KIRREL3: variants seen among roughly 807,000 people sequenced by gnomAD.
KIRREL3 encodes the protein kirre like nephrin family adhesion molecule 3, also known as kin of IRRE-like protein 3.
A neutral mutation model predicts 89.7 loss-of-function variants in KIRREL3; 36 were observed. The ratio of observed to expected loss-of-function variants is 0.40; its 90% confidence interval spans 0.31 to 0.53. KIRREL3 has a LOEUF of 0.53. KIRREL3 is among the 20% of genes least tolerant of loss of function. KIRREL3 has a pLI of 0.49. For synonymous variants in KIRREL3, 445 were observed against 441.4 expected (o/e 1.01, Z -0.10); for missense variants, 864 against 1,056.6 (o/e 0.82, Z 2.53).
intron 1 of KIRREL3, among the ~76,000 whole-genome samples, chr11:126,630,234 T>C (rs1256649684): frequency 6.6e-6 from 1 of 152,182 alleles, no homozygotes. Flanking sequence ...GAATGGAATA[T>C]AAGCCCCCTC....
chr11:126,638,080 C>G (rs1381254609), intron 1 of KIRREL3, among the ~76,000 whole-genome samples: 1 of 152,180 alleles, frequency 6.6e-6, no homozygotes, highest in Non-Finnish European at 1.5e-5. Flanking sequence ...CCTGTAAAAT[C>G]TATACTTACT....
rs1955042396 is a variant in KIRREL3 at position 126,429,211 on chromosome 11, C to T, written c.1774G>A (p.Gly592Ser). ...TGCTTGATGGTGGAGTGCTCCTCAC[C>T]CTCCCGACCAGAGGCTGGTTCCTTG... ...VHKEPASGREGEEHSTIKQLM... is the reference protein window; with the variant it reads ...VHKEPASGRESEEHSTIKQLM... The change falls in exon 15 of 17, where the codon GGT becomes AGT. Residue 592 changes from glycine to serine, a missense_variant. Physicochemically the swap from Gly to Ser is moderately conservative, Grantham distance 56. Coordinates refer to ENST00000525144, the MANE Select transcript of KIRREL3 (RefSeq NM_032531.4). The surrounding 1 kb of genome is among the most constrained non-coding windows in gnomAD (Gnocchi z 5.2). The T allele has an allele frequency of 1.9e-6, 3 of 1,613,552 alleles. No homozygotes were observed. Among genetic ancestry groups the T allele is most frequent in the African/African-American group, 1.3e-5 (1 of 74,908 alleles).
rs1184733752 is a variant in KIRREL3 at position 126,723,780 on chromosome 11, A to G, written c.56-160868T>C. ...AAGAGAAGGGAAGAAGGAAAGATGGAAGGAAAAGACTTGCACAGATGCTCT... is the reference window on the plus strand; with the variant it reads ...AAGAGAAGGGAAGAAGGAAAGATGGGAGGAAAAGACTTGCACAGATGCTCT... On this transcript the variant is annotated intron_variant, in intron 1 of 16. Transcript: ENST00000525144. The surrounding 1 kb of genome is among the most constrained non-coding windows in gnomAD (Gnocchi z 4.0). Among the ~76,000 whole-genome samples, 2 of 152,230 alleles carry G rather than the reference A, an allele frequency of 1.3e-5. No homozygotes were observed. Among genetic ancestry groups the G allele is most frequent in the Non-Finnish European group, 2.9e-5 (2 of 68,038 alleles).
chr11:126,936,919 A>C (rs768492642), intron 1 of KIRREL3: 1 of 152,246 alleles, frequency 6.6e-6, no homozygotes, highest in South Asian at 2.1e-4. Flanking sequence ...ATTATACCTC[A>C]ATAAAGCTGT....
In KIRREL3 at chr11:126,909,844, G is replaced by A. The variant is rs183641347; in HGVS notation, c.55+90611C>T. On this transcript the variant is annotated intron_variant, in intron 1 of 16. Coordinates refer to ENST00000525144, the MANE Select transcript of KIRREL3 (RefSeq NM_032531.4). This position sits in a 1 kb window ranked among gnomAD's most constrained non-coding sequence, Gnocchi z 4.5. Reference sequence around the variant, plus strand: ...TAATCCCTGGGAGGGTGTTATGCAAGATTCAGATATATGGTCTGTGATATG... The same window carrying A: ...TAATCCCTGGGAGGGTGTTATGCAAAATTCAGATATATGGTCTGTGATATG... Among the ~76,000 whole-genome samples the A allele has an allele frequency of 3.0e-4, 46 of 152,262 alleles. No homozygotes were observed. The East Asian group carries it at 8.7e-3, about 29-fold the overall frequency.
Position 126,429,329 on chromosome 11 carries a change from C to T in KIRREL3, c.1697-41G>A. 2 of 1,442,824 alleles carry T rather than the reference C, an allele frequency of 1.4e-6. No homozygotes were observed. The highest frequency in any genetic ancestry group is 1.4e-5 in the African/African-American group (1 of 71,556). 89.4% of individuals were successfully genotyped at this position (1,442,824 alleles called of 1,614,324 possible). On this transcript the variant is annotated intron_variant, in intron 14 of 16. Transcript: ENST00000525144. The surrounding 1 kb of genome is among the most constrained non-coding windows in gnomAD (Gnocchi z 5.2). ...TAAAGTGTAGATGATAGATTTAGTT[C>T]TTACCTTTGAGATGTCAAGCTCCCT... is the stretch of plus-strand genomic sequence containing the variant.
intron 1 of KIRREL3, among the ~76,000 whole-genome samples, chr11:126,781,826 C>A (rs1316949913): frequency 1.3e-5 from 2 of 152,108 alleles, no homozygotes; most frequent in Admixed American, 6.6e-5. Context: ...AATTGAATAT[C>A]ATCAAAAATG....
chr11:126,917,021 G>T lies in KIRREL3; in HGVS notation c.55+83434C>A, dbSNP rs1472634871. 6.6e-6 allele frequency among the ~76,000 whole-genome samples: 1 copy of T among 152,152 alleles called. No individual in the cohort carries two copies. Among genetic ancestry groups the T allele is most frequent in the Non-Finnish European group, 1.5e-5 (1 of 68,036 alleles). ...TTGTACACCAATGTTCATTGCAGCA[G>T]TATTCATAATAACCAAAAAGTAGAA... On this transcript the variant is annotated intron_variant, in intron 1 of 16. Coordinates refer to ENST00000525144, the MANE Select transcript of KIRREL3 (RefSeq NM_032531.4). This position sits in a 1 kb window ranked among gnomAD's most constrained non-coding sequence, Gnocchi z 5.0.
chr11:126,548,083 C>T (rs1938959233), intron 2 of KIRREL3, among the ~76,000 whole-genome samples: 1 of 152,140 alleles, frequency 6.6e-6, no homozygotes, highest in Non-Finnish European at 1.5e-5. Flanking sequence ...ATCTCTCTTC[C>T]CCTGCTTTTT....
chr11:126,434,923 C>T (rs535825874), intron 13 of KIRREL3, among the ~76,000 whole-genome samples: 301 of 152,176 alleles, frequency 2.0e-3, no homozygotes, highest in African/African-American at 7.0e-3. Context: ...AAGCAGAAGG[C>T]AGTCAGGACA....
intron 1 of KIRREL3, among the ~76,000 whole-genome samples, chr11:126,916,440 G>A (rs1455057691): frequency 1.3e-5 from 2 of 152,138 alleles, no homozygotes; most frequent in Middle Eastern, 3.4e-3. Flanking sequence ...CAGTACTGCC[G>A]GCCCTGGGAC....
Position 126,612,448 on chromosome 11 carries a change from A to G in KIRREL3, c.56-49536T>C, listed in dbSNP as rs1047398070. Among the ~76,000 whole-genome samples the G allele has an allele frequency of 6.6e-6, 1 of 152,174 alleles. No homozygotes were observed. Among genetic ancestry groups the G allele is most frequent in the Admixed American group, 6.5e-5 (1 of 15,280 alleles). The stretch of plus-strand genomic sequence containing the variant: ...ATCCTATCACCTGGCTCTGCTACTA[A>G]CTGTCTCATGAACTTGGAAGCTTTA... On this transcript the variant is annotated intron_variant, in intron 1 of 16. Transcript: ENST00000525144. The surrounding 1 kb of genome is among the most constrained non-coding windows in gnomAD (Gnocchi z 4.5).
intron 1 of KIRREL3, among the ~76,000 whole-genome samples, chr11:126,881,893 G>A (rs1320441134): frequency 6.6e-6 from 1 of 152,148 alleles, no homozygotes; most frequent in Non-Finnish European, 1.5e-5. Context: ...GATTTTAAAG[G>A]ACAAGTGCCA....
At position 126,431,336 on chromosome 11, in the gene KIRREL3, C is replaced by A. The variant is rs574000315; in HGVS notation, c.1696+83G>T. 110 of 1,570,094 alleles carry A rather than the reference C, an allele frequency of 7.0e-5. No homozygotes were observed. The East Asian group carries it at 2.6e-3, about 37-fold the overall frequency. ...GTTAGGACCCCTGTTCATTGCACTCCTGCTTACTTGCTCTCCGGGGCAGCC... is the reference window on the plus strand; with the variant it reads ...GTTAGGACCCCTGTTCATTGCACTCATGCTTACTTGCTCTCCGGGGCAGCC... On this transcript the variant is annotated intron_variant, in intron 14 of 16. Transcript: ENST00000525144. The surrounding 1 kb of genome is among the most constrained non-coding windows in gnomAD (Gnocchi z 7.1).
intron 1 of KIRREL3, among the ~76,000 whole-genome samples, chr11:126,602,420 C>T (rs762070556): frequency 2.6e-4 from 40 of 152,166 alleles, no homozygotes; most frequent in Non-Finnish European, 3.7e-4. Flanking sequence ...TGCCTTTGTC[C>T]GGTGCCTCGT....
rs1944951709 is a variant in KIRREL3, at chr11:126,867,140, G to A, written c.55+133315C>T. On this transcript the variant is annotated intron_variant, in intron 1 of 16. Transcript: ENST00000525144. This position sits in a 1 kb window ranked among gnomAD's most constrained non-coding sequence, Gnocchi z 4.7. ...CCCTACATGCTGCCTTGGGGTTGGAGCCCAAAAAACGTTCCCCACAATCTG... is the reference window on the plus strand; with the variant it reads ...CCCTACATGCTGCCTTGGGGTTGGAACCCAAAAAACGTTCCCCACAATCTG... 2.0e-5 allele frequency among the ~76,000 whole-genome samples: 3 copies of A among 152,222 alleles called. No homozygotes were observed. The highest frequency in any genetic ancestry group is 1.3e-4 in the Admixed American group (2 of 15,280).
At position 126,639,201 on chromosome 11, in the gene KIRREL3, T is replaced by G. The variant is rs968619196; in HGVS notation, c.56-76289A>C. Among the ~76,000 whole-genome samples the G allele has an allele frequency of 2.0e-5, 3 of 152,148 alleles. No homozygotes were observed. The highest frequency in any genetic ancestry group is 4.4e-5 in the Non-Finnish European group (3 of 68,026). On this transcript the variant is annotated intron_variant, in intron 1 of 16. Transcript: ENST00000525144. This position sits in a 1 kb window ranked among gnomAD's most constrained non-coding sequence, Gnocchi z 4.3. Reference sequence around the variant, plus strand: ...AAGCTCTGGAGGGCCACCTGTCAGATGAGATTTGCCTTCAAAGGCCACTGG... The same window carrying G: ...AAGCTCTGGAGGGCCACCTGTCAGAGGAGATTTGCCTTCAAAGGCCACTGG...
chr11:126,929,110 A>T (rs1286316915), intron 1 of KIRREL3, among the ~76,000 whole-genome samples: 1 of 152,244 alleles, frequency 6.6e-6, no homozygotes, highest in Non-Finnish European at 1.5e-5. Flanking sequence ...TGGAGAGGAC[A>T]CATCTGCCAA....
intron 1 of KIRREL3, among the ~76,000 whole-genome samples, chr11:126,984,779 C>G (rs559023627): frequency 6.6e-6 from 1 of 152,168 alleles, no homozygotes; most frequent in African/African-American, 2.4e-5. Context: ...TGTGAGCCCG[C>G]AGGAAGTGCC....
Sources: gnomAD v4.1 joint callset for allele counts (sites outside exome capture counted in the v4.1 genomes callset) on GRCh38, gnomAD v4.1.1 for gene constraint, Gnocchi (gnomAD v3.1) non-coding constraint, MANE v1.5 for transcripts, NCBI Gene and HGNC (gene_info 2026-07-23, HGNC 2026-07-21) for gene names.